MICU3: variants seen among roughly 807,000 people sequenced by gnomAD.
MICU3 encodes mitochondrial calcium uptake 3, also known as calcium uptake protein 3, mitochondrial.
MICU3 carries 62 observed loss-of-function variants against 66.5 expected under a neutral mutation model. The observed-to-expected ratio is 0.93, with a 90% confidence interval of 0.76 to 1.15. The LOEUF is 1.15. MICU3 is among the 50% of genes most tolerant of loss of function. The probability of loss-of-function intolerance (pLI) is 0.00; values close to 1 mark genes in which losing one functional copy is unlikely to be tolerated. For missense variants in MICU3, 779 were observed against 664.4 expected, an observed-to-expected ratio of 1.17 and a Z score of -1.90; for synonymous variants, 308 against 240.7, an observed-to-expected ratio of 1.28 and a Z score of -2.59.
chr8:17,101,556 T>C lies in MICU3; in HGVS notation c.985-2835T>C, dbSNP rs143570747. On this transcript the variant is annotated intron_variant, in intron 9 of 14. Coordinates refer to ENST00000318063, the MANE Select transcript of MICU3 (RefSeq NM_181723.3). ...AAGACTGTTAAGTGAAGATCTGCTCTGATCAGTGGGCAGGAGAAAAACTGG... is the reference window on the plus strand; with the variant it reads ...AAGACTGTTAAGTGAAGATCTGCTCCGATCAGTGGGCAGGAGAAAAACTGG... Among the ~76,000 whole-genome samples the C allele has an allele frequency of 2.2e-3, 328 of 152,018 alleles. 2 individuals are homozygous for C. Among genetic ancestry groups the C allele is most frequent in the African/African-American group, 7.2e-3 (300 of 41,502 alleles).
At position 17,027,567 on chromosome 8, in the gene MICU3, C is replaced by G. The variant is rs141378607; in HGVS notation, c.288C>G (p.Thr96=). 0.055 allele frequency: 69,824 copies of G among 1,279,440 alleles called. 2,278 individuals carry two copies. The highest frequency in any genetic ancestry group is 0.13 in the Middle Eastern group (433 of 3,344). The allele number at this position is 1,279,440 out of a possible 1,614,324, so 79.3% of individuals were successfully genotyped here. Residue 96 remains threonine, a synonymous_variant, in exon 1 of 15, where the codon ACC becomes ACG. Coordinates refer to ENST00000318063, the MANE Select transcript of MICU3 (RefSeq NM_181723.3). ...ACCCCAGGGCCGGCTCGCCGGCGAC[C>G]GGGCGACCCTCAAAGAGCGCGGCCA... ...YGDPRAGSPA[T]GRPSKSAATE...
chr8:17,059,748 C>A (rs1397222678), intron 1 of MICU3, among the ~76,000 whole-genome samples: 4 of 151,780 alleles, frequency 2.6e-5, no homozygotes, highest in Non-Finnish European at 4.4e-5. Flanking sequence ...TCAAATTACA[C>A]AGAAATTATG....
chr8:17,082,658 A>T (rs1321390030), intron 5 of MICU3, among the ~76,000 whole-genome samples: 1 of 152,138 alleles, frequency 6.6e-6, no homozygotes, highest in African/African-American at 2.4e-5. Context: ...GGAATACATG[A>T]AAGAATACTG....
chr8:17,029,442 C>A (rs1024418547), intron 1 of MICU3, among the ~76,000 whole-genome samples: 4 of 152,102 alleles, frequency 2.6e-5, no homozygotes, highest in Admixed American at 6.5e-5. Context: ...CACCTCTGCA[C>A]CCCAGCCTGG....
At chr8:17,089,875 A>G (rs1799865355) in intron 7 of MICU3, among the ~76,000 whole-genome samples, 1 of 152,138 alleles carries the variant, frequency 6.6e-6, no homozygotes. Flanking sequence ...CTGAATCTTA[A>G]CATACCTAAA....
chr8:17,119,049 T>G (rs1802966678), intron 14 of MICU3, among the ~76,000 whole-genome samples: 2 of 152,176 alleles, frequency 1.3e-5, no homozygotes, highest in Admixed American at 1.3e-4. Flanking sequence ...GGATCATGAT[T>G]CTGAGCATCC....
intron 1 of MICU3, among the ~76,000 whole-genome samples, chr8:17,061,824 G>A (rs1466394906): frequency 1.3e-5 from 2 of 152,162 alleles, no homozygotes; most frequent in South Asian, 2.1e-4. Flanking sequence ...TCTGATCCCC[G>A]AGGACCATTC....
intron 3 of MICU3, among the ~76,000 whole-genome samples, chr8:17,076,564 A>G (rs968054860): frequency 2.0e-5 from 3 of 152,338 alleles, no homozygotes; most frequent in African/African-American, 7.2e-5. Context: ...CAAGGTGTCC[A>G]TAAATCCCCT....
intron 11 of MICU3, among the ~76,000 whole-genome samples, chr8:17,106,053 T>C (rs1465511042): frequency 1.3e-5 from 2 of 152,076 alleles, no homozygotes; most frequent in East Asian, 1.9e-4. Flanking sequence ...TTGGATGTCA[T>C]GAATGGTTAA....
intron 2 of MICU3, among the ~76,000 whole-genome samples, chr8:17,066,601 G>A (rs1245534074): frequency 7.1e-6 from 1 of 141,252 alleles, no homozygotes; most frequent in Non-Finnish European, 1.5e-5. Flanking sequence ...GGAGTTCAGT[G>A]ACGTGATCAC....
At chr8:17,085,186 T>C in intron 5 of MICU3, 50 bp from the exon 6 acceptor site, 2 of 1,299,002 alleles carry the variant, frequency 1.5e-6, no homozygotes, top group Non-Finnish European at 1.1e-6. Context: ...TTTTGTACTT[T>C]AAAATACATT....
Position 17,104,448 on chromosome 8 carries a change from GGAAA to G in MICU3, c.1048_1051del (p.Lys350GlufsTer22), listed in dbSNP as rs776931218. 2.9e-5 allele frequency: 42 copies of G among 1,460,934 alleles called. No individual in the cohort carries two copies. Among genetic ancestry groups the G allele is most frequent in the Non-Finnish European group, 3.5e-5 (38 of 1,085,512 alleles). 90.5% of individuals were successfully genotyped at this position (1,460,934 alleles called of 1,614,324 possible). On this transcript the variant is annotated frameshift_variant, in exon 10 of 15. Coordinates refer to ENST00000318063, the MANE Select transcript of MICU3 (RefSeq NM_181723.3). LOFTEE classifies it high-confidence loss of function. The stretch of plus-strand genomic sequence containing the variant: ...TACTACACTTCTTGTACACTTTTTT[GGAAA>G]GAAAGGAAAAGCTGAGCTCAACTTT...
intron 5 of MICU3, among the ~76,000 whole-genome samples, chr8:17,084,334 A>G (rs1488312040): frequency 1.3e-5 from 2 of 152,142 alleles, no homozygotes; most frequent in African/African-American, 2.4e-5. Context: ...GTGAGCTTGC[A>G]TAAAGGATTG....
intron 2 of MICU3, among the ~76,000 whole-genome samples, chr8:17,069,269 T>C (rs1328130005): frequency 2.0e-5 from 3 of 152,144 alleles, no homozygotes; most frequent in Admixed American, 1.3e-4. Flanking sequence ...AACACTAGTA[T>C]AGCAAAGATC....
intron 3 of MICU3, among the ~76,000 whole-genome samples, chr8:17,072,747 T>G (rs1279297195): frequency 6.6e-6 from 1 of 152,136 alleles, no homozygotes; most frequent in Non-Finnish European, 1.5e-5. Flanking sequence ...ACCTTACTAG[T>G]AACTTAGGGT....
chr8:17,074,942 G>C (rs1820154694), intron 3 of MICU3, among the ~76,000 whole-genome samples: 1 of 152,046 alleles, frequency 6.6e-6, no homozygotes, highest in African/African-American at 2.4e-5. Context: ...GATGCTTGTT[G>C]CAAGTTTCGG....
At chr8:17,110,545 A>C (rs1016742420) in intron 11 of MICU3, among the ~76,000 whole-genome samples, 2 of 152,060 alleles carry the variant, frequency 1.3e-5, no homozygotes, top group Non-Finnish European at 2.9e-5. Context: ...GTTCTTTCAT[A>C]GTATTTTTAT....
At chr8:17,104,288 T>C in intron 9 of MICU3, 103 bp from the exon 10 acceptor site, 2 of 471,678 alleles carry the variant, frequency 4.2e-6, no homozygotes, top group Non-Finnish European at 7.5e-6. Context: ...ATTTACATTC[T>C]TGATGTTTGT....
chr8:17,095,853 C>T (rs1800621470), intron 8 of MICU3, among the ~76,000 whole-genome samples: 1 of 151,774 alleles, frequency 6.6e-6, no homozygotes, highest in Non-Finnish European at 1.5e-5. Flanking sequence ...TGGGATCCTG[C>T]TTTGGCTCAG....
Sources: gnomAD v4.1 joint callset for allele counts (sites outside exome capture counted in the v4.1 genomes callset) on GRCh38, gnomAD v4.1.1 for gene constraint, MANE v1.5 for transcripts, NCBI Gene and HGNC (gene_info 2026-07-23, HGNC 2026-07-21) for gene names.